The following KDM5A variants were observed in gnomAD, a reference collection of about 807,000 sequenced individuals.
KDM5A encodes lysine-specific demethylase 5A.
Under a neutral mutation model 193.5 loss-of-function variants are expected in KDM5A, and 42 were observed. The observed-to-expected ratio is 0.22, with a 90% CI of 0.17 to 0.28. The LOEUF is 0.28. Ranked by LOEUF, KDM5A falls within the 10% of genes least tolerant of loss-of-function variation. The pLI is 1.00. For missense variants in KDM5A, 1,692 were observed against 2,055.1 expected, an observed-to-expected ratio of 0.82 and a Z score of 3.42; for synonymous variants, 796 against 718.1, an observed-to-expected ratio of 1.11 and a Z score of -1.73.
At chr12:299,252 T>G (rs984604945) in intron 24 of KDM5A, among the ~76,000 whole-genome samples, 1 of 152,148 alleles carries the variant, frequency 6.6e-6, no homozygotes, top group East Asian at 1.9e-4. Context: ...ACTGTCAGAT[T>G]CACCAATGTT....
rs1944354269 is a variant in KDM5A at position 366,098 on chromosome 12, C to T, written c.373G>A (p.Ala125Thr). The T allele has an allele frequency of 6.2e-7, 1 of 1,613,710 alleles. No individual in the cohort carries two copies. Among genetic ancestry groups the T allele is most frequent in the Non-Finnish European group, 8.5e-7 (1 of 1,179,916 alleles). Reference sequence around the variant, plus strand: ...ACCATTTCAAAACCTCCTTTGCTGGCAACAATCTGAAAAGAAAGTAAAAGT... The same window carrying T: ...ACCATTTCAAAACCTCCTTTGCTGGTAACAATCTGAAAAGAAAGTAAAAGT... ...LDLYALSKIV[A>T]SKGGFEMVTK... Residue 125 changes from alanine to threonine, a missense_variant, in exon 4 of 28, where the codon GCC (alanine) becomes ACC (threonine). Around this residue, in one of 11 missense-constraint regions of KDM5A, gnomAD observed 120 missense variants for 172.0 expected, o/e 0.70. Coordinates refer to ENST00000399788, the MANE Select transcript of KDM5A (RefSeq NM_001042603.3).
In KDM5A at chr12:375,831, T is replaced by C. The variant is rs1944495882; in HGVS notation, c.366+8200A>G. ...CCCTCAGCTGCAGGTCTGTTGGAGT[T>C]TGCTGGAGGTCCACTCCAGACCCTG... On this transcript the variant is annotated intron_variant, in intron 3 of 27. Coordinates refer to ENST00000399788, the MANE Select transcript of KDM5A (RefSeq NM_001042603.3). Among the ~76,000 whole-genome samples the C allele has an allele frequency of 3.3e-5, 5 of 152,208 alleles. No individual in the cohort carries two copies. The South Asian group carries it at 1.0e-3, about 31-fold the overall frequency.
intron 3 of KDM5A, among the ~76,000 whole-genome samples, chr12:374,588 T>C (rs563687326): frequency 1.1e-4 from 17 of 152,342 alleles, no homozygotes; most frequent in Admixed American, 9.8e-4. Flanking sequence ...AGGTTAATAC[T>C]GTTATGTGTG....
intron 8 of KDM5A, among the ~76,000 whole-genome samples, chr12:353,323 C>T (rs545075695): frequency 2.0e-5 from 3 of 151,982 alleles, no homozygotes; most frequent in African/African-American, 4.8e-5. Flanking sequence ...GGCTGTAGAC[C>T]GTCTCAAAAA....
chr12:319,166 G>A (rs551057701), intron 18 of KDM5A, among the ~76,000 whole-genome samples: 49 of 152,282 alleles, frequency 3.2e-4, no homozygotes, highest in Non-Finnish European at 2.8e-4. Context: ...GGGAACCACT[G>A]GAGAATTTTT....
At chr12:300,901 T>A (rs780855866) in intron 24 of KDM5A, among the ~76,000 whole-genome samples, 3 of 151,930 alleles carry the variant, frequency 2.0e-5, no homozygotes, top group Non-Finnish European at 4.4e-5. Flanking sequence ...ACTATAAACA[T>A]CTCTACCCAA....
intron 2 of KDM5A, 52 bp downstream of exon 2, chr12:385,845 G>T: frequency 7.2e-7 from 1 of 1,381,372 alleles, no homozygotes; most frequent in Non-Finnish European, 1.0e-6. Context: ...TCTACCTACA[G>T]CCCTAATATA....
intron 14 of KDM5A, among the ~76,000 whole-genome samples, chr12:326,292 T>C (rs562356524): frequency 6.6e-6 from 1 of 152,270 alleles, no homozygotes; most frequent in South Asian, 2.1e-4. Flanking sequence ...GAGGAAACTA[T>C]AAGAAGTGAG....
intron 2 of KDM5A, among the ~76,000 whole-genome samples, chr12:385,134 G>A (rs1465432464): frequency 1.4e-5 from 2 of 145,982 alleles, no homozygotes; most frequent in Non-Finnish European, 3.0e-5. Context: ...AGTGAGCCGA[G>A]ATCGCACCAC....
chr12:353,072 C>T (rs1455582052), intron 8 of KDM5A, among the ~76,000 whole-genome samples: 2 of 152,172 alleles, frequency 1.3e-5, no homozygotes, highest in Non-Finnish European at 2.9e-5. Context: ...GGGCCCGGCA[C>T]AGTGGCTCGT....
chr12:333,387 C>A, intron 12 of KDM5A, 100 bp downstream of exon 12: 19 of 1,354,604 alleles, frequency 1.4e-5, no homozygotes, highest in Non-Finnish European at 1.9e-5. Flanking sequence ...CCGCTGCACT[C>A]CAGCCTGGGC....
intron 5 of KDM5A, among the ~76,000 whole-genome samples, chr12:357,633 G>C (rs550219243): frequency 1.5e-3 from 224 of 151,520 alleles, no homozygotes; most frequent in Non-Finnish European, 2.2e-3. Context: ...TTCTAAACCA[G>C]CCCGCCCAAT....
chr12:334,362 C>G lies in KDM5A; in HGVS notation c.1369G>C (p.Ala457Pro). ...NMPVLEQSVL[A>P]HINVDISGMK... ...CCAGAGATGTCCACATTAATATGTGCAAGAACAGACTGTTCCAGGACAGGC... is the reference window on the plus strand; with the variant it reads ...CCAGAGATGTCCACATTAATATGTGGAAGAACAGACTGTTCCAGGACAGGC... Residue 457 changes from alanine to proline, a missense_variant, in exon 11 of 28, where the codon GCA becomes CCA. Transcript: ENST00000399788. 6.2e-7 allele frequency: 1 copy of G among 1,613,782 alleles called. No individual in the cohort carries two copies.
chr12:375,088 C>A (rs994119713), intron 3 of KDM5A, among the ~76,000 whole-genome samples: 2 of 151,978 alleles, frequency 1.3e-5, no homozygotes, highest in Admixed American at 6.6e-5. Flanking sequence ...ATCTTTGTGG[C>A]GTTCTCTGTA....
chr12:372,067 G>A (rs181866903), intron 3 of KDM5A, among the ~76,000 whole-genome samples: 5 of 152,294 alleles, frequency 3.3e-5, no homozygotes, highest in Admixed American at 6.5e-5. Flanking sequence ...GCTTAGGATT[G>A]ACTTGGCAAT....
At chr12:304,419 C>T (rs1431899448) in intron 24 of KDM5A, among the ~76,000 whole-genome samples, 3 of 144,588 alleles carry the variant, frequency 2.1e-5, no homozygotes, top group African/African-American at 7.7e-5. Flanking sequence ...ATCGCTTGCT[C>T]TGTGGGAAAA....
At chr12:295,338 AAG>A (rs1386819191) in intron 26 of KDM5A, among the ~76,000 whole-genome samples, 3 of 151,862 alleles carry the variant, frequency 2.0e-5, no homozygotes, top group Non-Finnish European at 2.9e-5. Flanking sequence ...GAAAAAGAGA[AAG>A]AGAGAGAAAG....
intron 10 of KDM5A, among the ~76,000 whole-genome samples, chr12:344,610 T>C (rs1306719936): frequency 6.6e-6 from 1 of 152,168 alleles, no homozygotes; most frequent in African/African-American, 2.4e-5. Flanking sequence ...GGGGCCAATA[T>C]TCAACATTCT....
chr12:373,880 T>C (rs142674678), intron 3 of KDM5A, among the ~76,000 whole-genome samples: 1 of 152,322 alleles, frequency 6.6e-6, no homozygotes, highest in African/African-American at 2.4e-5. Flanking sequence ...TTCCATGTAG[T>C]TGAGTGGTTT....
Sources: allele counts gnomAD v4.1 joint callset (sites outside exome capture counted in the v4.1 genomes callset), GRCh38; gene constraint gnomAD v4.1.1; regional missense constraint gnomAD v4.1.1; transcripts MANE v1.5; gene names NCBI Gene and HGNC (gene_info 2026-07-23, HGNC 2026-07-21).